The following SH3RF3 variants were observed in gnomAD, a reference collection of about 807,000 sequenced individuals.
SH3RF3 encodes SH3 domain containing ring finger 3.
A neutral mutation model predicts 66.3 loss-of-function variants in SH3RF3; 29 were observed. That is an observed-to-expected ratio of 0.44 (90% CI 0.33 to 0.60). SH3RF3 has a LOEUF of 0.60. SH3RF3 is among the 20% of genes least tolerant of loss of function. SH3RF3 has a pLI of 0.04. For missense variants in SH3RF3, 1,194 were observed against 1,190.9 expected, an observed-to-expected ratio of 1.00 and a Z score of -0.04; for synonymous variants, 583 against 532.0, an observed-to-expected ratio of 1.10 and a Z score of -1.32.
At chr2:109,298,185 T>C (rs1260540632) in intron 1 of SH3RF3, among the ~76,000 whole-genome samples, 4 of 152,086 alleles carry the variant, frequency 2.6e-5, no homozygotes, top group East Asian at 1.9e-4. Flanking sequence ...TAGCTGGGGA[T>C]AGAGAAGTCA....
At chr2:109,372,466 G>A (rs1683294389) in intron 3 of SH3RF3, among the ~76,000 whole-genome samples, 1 of 152,208 alleles carries the variant, frequency 6.6e-6, no homozygotes. Flanking sequence ...CATAAGAGTG[G>A]CTTCAGTGAA....
chr2:109,166,011 C>T (rs901749694), intron 1 of SH3RF3, among the ~76,000 whole-genome samples: 9 of 152,174 alleles, frequency 5.9e-5, no homozygotes, highest in African/African-American at 2.2e-4. Context: ...TTCCTTTTCC[C>T]CCAGTTTGCT....
At chr2:109,132,389 G>A (rs903144218) in intron 1 of SH3RF3, among the ~76,000 whole-genome samples, 1 of 152,182 alleles carries the variant, frequency 6.6e-6, no homozygotes, top group African/African-American at 2.4e-5. Context: ...ACACAAAACA[G>A]TGTTTTCCTG....
intron 1 of SH3RF3, among the ~76,000 whole-genome samples, chr2:109,274,376 C>A (rs1374488129): frequency 6.6e-6 from 1 of 152,128 alleles, no homozygotes; most frequent in Non-Finnish European, 1.5e-5. Flanking sequence ...AAAGGTGGGA[C>A]CAGCCCAAGT....
chr2:109,173,115 C>A (rs1052544433), intron 1 of SH3RF3, among the ~76,000 whole-genome samples: 1 of 152,190 alleles, frequency 6.6e-6, no homozygotes, highest in Non-Finnish European at 1.5e-5. Context: ...AAATGAACAT[C>A]TTTTTTTAAC....
rs946468215 is a variant in SH3RF3 at position 109,439,406 on chromosome 2, C to G, written c.1828+2260C>G. ...GCCACTGAGTTCCTGCGGCATTTTC[C>G]ACTTCATTCTGCATTTAGAGAGAGA... On this transcript the variant is annotated intron_variant, in intron 7 of 9. Coordinates refer to ENST00000309415, the MANE Select transcript of SH3RF3 (RefSeq NM_001099289.3). Among the ~76,000 whole-genome samples, 20 of 152,256 alleles carry G rather than the reference C, an allele frequency of 1.3e-4. 1 individual carries two copies. Among genetic ancestry groups the G allele is most frequent in the Admixed American group, 1.2e-3 (19 of 15,290 alleles).
intron 1 of SH3RF3, among the ~76,000 whole-genome samples, chr2:109,301,335 CGTGTGT>C (rs10611024): frequency 0.017 from 2,261 of 132,104 alleles, 30 homozygotes; most frequent in Middle Eastern, 0.041. Context: ...ATCTGTGTGA[CGTGTGT>C]GTGTGTGTGT....
intron 1 of SH3RF3, among the ~76,000 whole-genome samples, chr2:109,131,533 G>A (rs1676695929): frequency 6.6e-6 from 1 of 152,122 alleles, no homozygotes; most frequent in African/African-American, 2.4e-5. Flanking sequence ...GTAAAACGCT[G>A]GGACATTCTG....
At position 109,444,934 on chromosome 2, in the gene SH3RF3, C is replaced by A. The variant is rs540489787; in HGVS notation, c.1829-4236C>A. Reference sequence around the variant, plus strand: ...AAAGAAGGAATAACATATACACACACAAAAAAGAAAAACAGGAAGCTATGA... The same window carrying A: ...AAAGAAGGAATAACATATACACACAAAAAAAAGAAAAACAGGAAGCTATGA... On this transcript the variant is annotated intron_variant, in intron 7 of 9. Transcript: ENST00000309415. Among the ~76,000 whole-genome samples the A allele has an allele frequency of 1.8e-3, 279 of 151,660 alleles. 1 individual carries two copies. Among genetic ancestry groups the A allele is most frequent in the African/African-American group, 5.7e-3 (236 of 41,356 alleles).
At chr2:109,415,505 G>A (rs1410817824) in intron 4 of SH3RF3, among the ~76,000 whole-genome samples, 1 of 152,144 alleles carries the variant, frequency 6.6e-6, no homozygotes, top group African/African-American at 2.4e-5. Flanking sequence ...AGCCCCCTGA[G>A]CGTGTCCAGA....
intron 1 of SH3RF3, among the ~76,000 whole-genome samples, chr2:109,308,644 C>A (rs1681657174): frequency 1.9e-5 from 1 of 53,262 alleles, no homozygotes; most frequent in Non-Finnish European, 2.9e-5. Flanking sequence ...CTACATATGG[C>A]TAGCCAATTT....
chr2:109,290,843 C>G (rs905322742), intron 1 of SH3RF3, among the ~76,000 whole-genome samples: 1 of 152,250 alleles, frequency 6.6e-6, no homozygotes, highest in Non-Finnish European at 1.5e-5. Context: ...TTTTCCATCC[C>G]TGATTTAAGG....
chr2:109,313,387 G>T (rs1398270149), intron 1 of SH3RF3, among the ~76,000 whole-genome samples: 1 of 152,262 alleles, frequency 6.6e-6, no homozygotes, highest in African/African-American at 2.4e-5. Context: ...TGAGACTGCA[G>T]GTGAAGTGTC....
chr2:109,318,623 G>A (rs914870728), intron 1 of SH3RF3, among the ~76,000 whole-genome samples: 1 of 152,158 alleles, frequency 6.6e-6, no homozygotes, highest in African/African-American at 2.4e-5. Flanking sequence ...CTCACACTGG[G>A]GGCAGCATTT....
intron 1 of SH3RF3, among the ~76,000 whole-genome samples, chr2:109,197,894 G>A (rs533412966): frequency 1.3e-5 from 2 of 152,342 alleles, no homozygotes; most frequent in East Asian, 1.9e-4. Flanking sequence ...CTTGCCTTTT[G>A]CATCAAATCC....
chr2:109,464,490 A>G (rs1362572228), intron 8 of SH3RF3, among the ~76,000 whole-genome samples: 1 of 152,248 alleles, frequency 6.6e-6, no homozygotes, highest in Admixed American at 6.5e-5. Context: ...ACACATATAC[A>G]GATGCATACA....
chr2:109,132,696 G>A (rs1225336486), intron 1 of SH3RF3, among the ~76,000 whole-genome samples: 9 of 152,324 alleles, frequency 5.9e-5, no homozygotes, highest in Admixed American at 3.9e-4. Context: ...AAACAGTCCT[G>A]TTTTAATGGT....
At chr2:109,415,734 C>T (rs960253651) in intron 4 of SH3RF3, among the ~76,000 whole-genome samples, 2 of 152,172 alleles carry the variant, frequency 1.3e-5, no homozygotes, top group East Asian at 1.9e-4. Flanking sequence ...GCCTCCAAAC[C>T]GTCACTTCAT....
intron 1 of SH3RF3, among the ~76,000 whole-genome samples, chr2:109,317,825 C>T (rs924773741): frequency 2.0e-5 from 3 of 152,094 alleles, no homozygotes; most frequent in Non-Finnish European, 2.9e-5. Context: ...TAAGAACTAG[C>T]GCATCCGTCT....
Sources: allele counts gnomAD v4.1 joint callset (sites outside exome capture counted in the v4.1 genomes callset), GRCh38; gene constraint gnomAD v4.1.1; transcripts MANE v1.5; gene names NCBI Gene and HGNC (gene_info 2026-07-23, HGNC 2026-07-21).